The following NKAIN3 variants were observed in gnomAD, a reference collection of about 807,000 sequenced individuals.
The protein encoded by NKAIN3 is sodium/potassium transporting ATPase interacting 3.
Under a neutral mutation model 30.2 loss-of-function variants are expected in NKAIN3, and 25 were observed. The ratio of observed to expected loss-of-function variants is 0.83; its 90% CI spans 0.60 to 1.16. NKAIN3 has a LOEUF of 1.16. Among genes scored for constraint, NKAIN3 ranks in the 50% most tolerant of loss-of-function variants. NKAIN3 has a pLI of 0.00. For synonymous variants in NKAIN3, 91 were observed against 89.6 expected (o/e 1.02, Z -0.09); for missense variants, 225 against 254.1 (o/e 0.89, Z 0.78).
chr8:62,467,823 T>G (rs545630551), intron 1 of NKAIN3, among the ~76,000 whole-genome samples: 1 of 152,158 alleles, frequency 6.6e-6, no homozygotes, highest in Non-Finnish European at 1.5e-5. Flanking sequence ...TGGAGTGCAG[T>G]GGCACGAGCT....
At chr8:62,928,801 G>A (rs1471821772) in intron 5 of NKAIN3, among the ~76,000 whole-genome samples, 2 of 152,192 alleles carry the variant, frequency 1.3e-5, no homozygotes, top group Non-Finnish European at 2.9e-5. Flanking sequence ...CTCAGAGAAA[G>A]GTTGACCATA....
chr8:62,853,785 G>A (rs142604614), intron 4 of NKAIN3, among the ~76,000 whole-genome samples: 55 of 152,218 alleles, frequency 3.6e-4, no homozygotes, highest in African/African-American at 1.1e-3. Context: ...TTTTAACTGT[G>A]ATGTTAAGTT....
At chr8:62,863,732 G>A in intron 4 of NKAIN3, 2 of 1,584,620 alleles carry the variant, frequency 1.3e-6, no homozygotes, top group Non-Finnish European at 1.7e-6. Flanking sequence ...AACTTTCATT[G>A]CAACAAATCT....
At chr8:62,832,001 T>A (rs1461164929) in intron 4 of NKAIN3, among the ~76,000 whole-genome samples, 1 of 151,976 alleles carries the variant, frequency 6.6e-6, no homozygotes, top group Admixed American at 6.6e-5. Context: ...GAGAAGCCCA[T>A]CAGGCTAAAA....
rs1176034709 is a variant in NKAIN3 at position 62,971,714 on chromosome 8, A to G, written c.*6307A>G. Among the ~76,000 whole-genome samples, 3 of 152,198 alleles carry G rather than the reference A, an allele frequency of 2.0e-5. No homozygotes were observed. The highest frequency in any genetic ancestry group is 4.4e-5 in the Non-Finnish European group (3 of 68,034). ...TCATACTTAGCAGTTTCAATCACACAGTTCAAACTAATTGACATGATTTCT... is the reference window on the plus strand; with the variant it reads ...TCATACTTAGCAGTTTCAATCACACGGTTCAAACTAATTGACATGATTTCT... On this transcript the variant is annotated 3_prime_UTR_variant, in exon 7 of 7. Coordinates refer to ENST00000623646, the MANE Select transcript of NKAIN3 (RefSeq NM_001304533.3).
chr8:62,796,124 C>CTGTAATCCCAGCACTT (rs952956501), intron 4 of NKAIN3, among the ~76,000 whole-genome samples: 1 of 151,982 alleles, frequency 6.6e-6, no homozygotes, highest in Non-Finnish European at 1.5e-5. Flanking sequence ...TGGCTCACAC[C>CTGTAATCCCAGCACTT]TGTAATCCCA....
At chr8:62,442,799 T>C (rs1355073028) in intron 1 of NKAIN3, among the ~76,000 whole-genome samples, 2 of 152,016 alleles carry the variant, frequency 1.3e-5, no homozygotes, top group Non-Finnish European at 2.9e-5. Flanking sequence ...AGCTCTAAAT[T>C]GTTCCTTATT....
At chr8:62,433,292 G>A (rs1670877741) in intron 1 of NKAIN3, among the ~76,000 whole-genome samples, 1 of 152,102 alleles carries the variant, frequency 6.6e-6, no homozygotes, top group Admixed American at 6.6e-5. Context: ...TATCAATCTT[G>A]TGGTGGTAGG....
chr8:62,639,146 A>G (rs1812227718), intron 3 of NKAIN3, among the ~76,000 whole-genome samples: 1 of 152,188 alleles, frequency 6.6e-6, no homozygotes. Context: ...ACAGGAAAGC[A>G]GACAGAGAAT....
chr8:62,447,555 A>T (rs1805523259), intron 1 of NKAIN3, among the ~76,000 whole-genome samples: 1 of 152,030 alleles, frequency 6.6e-6, no homozygotes, highest in Admixed American at 6.5e-5. Flanking sequence ...AGAAGAGAAT[A>T]ATTGGACACA....
chr8:62,876,036 A>G (rs1206102045), intron 4 of NKAIN3, among the ~76,000 whole-genome samples: 1 of 152,254 alleles, frequency 6.6e-6, no homozygotes, highest in African/African-American at 2.4e-5. Flanking sequence ...TAGAGTGAAC[A>G]GGCAACCTAC....
At chr8:62,608,332 C>A (rs1176129868) in intron 3 of NKAIN3, among the ~76,000 whole-genome samples, 1 of 152,046 alleles carries the variant, frequency 6.6e-6, no homozygotes, top group African/African-American at 2.4e-5. Flanking sequence ...TCATAAAAGC[C>A]AAAATTTGAA....
chr8:62,982,299 T>G lies in NKAIN3; in HGVS notation c.*16892T>G, dbSNP rs745531764. The stretch of plus-strand genomic sequence containing the variant: ...ACTTCTACTTAAATAAGATCTTATT[T>G]TCATCTGCTGGAAAACTTTTTCTGA... On this transcript the variant is annotated 3_prime_UTR_variant, in exon 7 of 7. Coordinates refer to ENST00000623646, the MANE Select transcript of NKAIN3 (RefSeq NM_001304533.3). 1 of 152,214 alleles carries G rather than the reference T, an allele frequency of 6.6e-6. No homozygotes were observed. The highest frequency in any genetic ancestry group is 1.5e-5 in the Non-Finnish European group (1 of 68,038). 9.4% of individuals were successfully genotyped at this position (152,214 alleles called of 1,614,324 possible).
intron 1 of NKAIN3, among the ~76,000 whole-genome samples, chr8:62,381,905 A>T (rs994643863): frequency 1.3e-5 from 2 of 152,066 alleles, no homozygotes; most frequent in Non-Finnish European, 2.9e-5. Flanking sequence ...CTAAGTTTAA[A>T]AGTTCTTTGG....
At chr8:62,577,464 T>G (rs1384846670) in intron 1 of NKAIN3, among the ~76,000 whole-genome samples, 1 of 97,452 alleles carries the variant, frequency 1.0e-5, no homozygotes, top group African/African-American at 3.1e-5. Flanking sequence ...TGTTTTTTTG[T>G]TGTTTTTTTT....
intron 3 of NKAIN3, among the ~76,000 whole-genome samples, chr8:62,631,869 T>C (rs903592027): frequency 5.9e-5 from 9 of 152,208 alleles, no homozygotes; most frequent in Admixed American, 5.9e-4. Context: ...TGAAAGTCTC[T>C]TTGACTAGGT....
intron 4 of NKAIN3, among the ~76,000 whole-genome samples, chr8:62,916,048 G>A (rs562395993): frequency 6.6e-6 from 1 of 152,078 alleles, no homozygotes; most frequent in African/African-American, 2.4e-5. Flanking sequence ...ACTCTCCTAT[G>A]GTATGGAAAA....
At chr8:62,601,460 C>T (rs1371741353) in intron 3 of NKAIN3, among the ~76,000 whole-genome samples, 1 of 152,028 alleles carries the variant, frequency 6.6e-6, no homozygotes, top group Non-Finnish European at 1.5e-5. Flanking sequence ...ATGCACTATT[C>T]TGTATCCTGA....
intron 5 of NKAIN3, among the ~76,000 whole-genome samples, chr8:62,926,147 G>T (rs1041437250): frequency 1.3e-5 from 2 of 152,132 alleles, no homozygotes; most frequent in African/African-American, 4.8e-5. Flanking sequence ...ACACCCTCGT[G>T]ACACCCTGGA....
Sources: gnomAD v4.1 joint callset for allele counts (sites outside exome capture counted in the v4.1 genomes callset) on GRCh38, gnomAD v4.1.1 for gene constraint, MANE v1.5 for transcripts, NCBI Gene and HGNC (gene_info 2026-07-23, HGNC 2026-07-21) for gene names.